The following RGPD1 variants were observed in gnomAD, a reference collection of about 807,000 sequenced individuals.
The protein encoded by RGPD1 is RANBP2 like and GRIP domain containing 1.
In RGPD1, 7 loss-of-function variants were observed where a neutral mutation model predicts 40.6. That is an observed-to-expected ratio of 0.17 (90% CI 0.10 to 0.32). RGPD1 has a LOEUF of 0.32. Ranked by LOEUF, RGPD1 falls within the 10% of genes least tolerant of loss-of-function variation. The pLI is 1.00. For missense variants in RGPD1, 50 were observed against 472.5 expected, an observed-to-expected ratio of 0.11 and a Z score of 8.29; for synonymous variants, 24 against 167.0, an observed-to-expected ratio of 0.14 and a Z score of 6.60.
At chr2:86,928,031 GAAA>G (rs1183867858) in intron 1 of RGPD1, among the ~76,000 whole-genome samples, 1 of 114,818 alleles carries the variant, frequency 8.7e-6, no homozygotes, top group African/African-American at 3.7e-5. Flanking sequence ...CAGCAATAAA[GAAA>G]AAAACTTGCT....
At chr2:86,931,581 A>G (rs1486387659) in intron 1 of RGPD1, among the ~76,000 whole-genome samples, 36 of 151,988 alleles carry the variant, frequency 2.4e-4, no homozygotes, top group African/African-American at 7.7e-4. Flanking sequence ...TTTCTCTATT[A>G]TAAATGATTT....
chr2:86,918,663 G>A (rs1013597894), intron 1 of RGPD1, among the ~76,000 whole-genome samples: 2 of 147,628 alleles, frequency 1.4e-5, no homozygotes, highest in Non-Finnish European at 3.0e-5. Context: ...GTTTCACCAT[G>A]TTAGCCAGGA....
At chr2:86,930,610 AG>A (rs1186658602) in intron 1 of RGPD1, 8 of 1,611,524 alleles carry the variant, frequency 5.0e-6, no homozygotes, top group African/African-American at 1.3e-5. Flanking sequence ...TAGGTGCAGC[AG>A]CCAGTCTCCC....
At chr2:86,914,126 T>C (rs193183441) in intron 1 of RGPD1, among the ~76,000 whole-genome samples, 1 of 1,728 alleles carries the variant, frequency 5.8e-4, no homozygotes, top group African/African-American at 2.0e-3. Context: ...GGCCCCGGCC[T>C]GGCCGGGCGG....
rs1173981477 is a variant in RGPD1, at chr2:87,000,642, C to T, written c.5236+2884C>T. ...TTTAGCAGCAGATTTAGATACCTTA[C>T]ATTTTCTCTTTAAGAGAGAGAATGT... On this transcript the variant is annotated intron_variant, in intron 22 of 22. Transcript: ENST00000641458. 7.9e-5 allele frequency among the ~76,000 whole-genome samples: 7 copies of T among 88,106 alleles called. 1 individual carries two copies. The highest frequency in any genetic ancestry group is 1.3e-4 in the Non-Finnish European group (6 of 44,506). The allele number at this position is 88,106 out of a possible 152,430, so 57.8% of individuals were successfully genotyped here.
intron 1 of RGPD1, among the ~76,000 whole-genome samples, chr2:86,943,870 C>T (rs1032611731): frequency 5.9e-5 from 9 of 151,952 alleles, no homozygotes; most frequent in African/African-American, 9.7e-5. Flanking sequence ...AAAAGTTAGC[C>T]GGGCGTGGTG....
intron 1 of RGPD1, among the ~76,000 whole-genome samples, chr2:86,943,129 CG>C (rs1680033415): frequency 6.6e-6 from 1 of 151,242 alleles, no homozygotes; most frequent in Non-Finnish European, 1.5e-5. Flanking sequence ...GCGGCTGTGT[CG>C]AGTGACAACG....
intron 1 of RGPD1, chr2:86,930,679 C>T: frequency 7.5e-6 from 12 of 1,609,952 alleles, no homozygotes; most frequent in Non-Finnish European, 8.5e-6. Flanking sequence ...GGGCACAGCT[C>T]TCGAAGCTGC....
chr2:86,926,489 C>G (rs977102575), intron 1 of RGPD1, among the ~76,000 whole-genome samples: 2 of 151,832 alleles, frequency 1.3e-5, no homozygotes, highest in Non-Finnish European at 2.9e-5. Flanking sequence ...ATGGATAATA[C>G]TCCCCTTTGG....
upstream of RGPD1, among the ~76,000 whole-genome samples, chr2:86,941,703 G>T (rs548444424): frequency 6.7e-6 from 1 of 148,586 alleles, no homozygotes; most frequent in South Asian, 2.1e-4. Flanking sequence ...CTGACTGCGG[G>T]ATTTGAGAAT....
rs1681468959 is a variant in RGPD1, at chr2:86,986,663, TTAG to T, written c.3771_3773del (p.Ser1259del). 5.6e-6 allele frequency: 3 copies of T among 536,134 alleles called. No homozygotes were observed. Among genetic ancestry groups the T allele is most frequent in the Non-Finnish European group, 6.2e-6 (2 of 323,288 alleles). The allele number at this position is 536,134 out of a possible 1,614,324, so 33.2% of individuals were successfully genotyped here. ...AGGGAAGATGCTTTGGATGATAATG[TTAG>T]TAGTAGCTCAGTACATGATTCTCCG... On this transcript the variant is annotated inframe_deletion, in exon 20 of 23. Transcript: ENST00000641458.
At chr2:86,941,053 T>C (rs1304550590), upstream of RGPD1, among the ~76,000 whole-genome samples, 3 of 150,754 alleles carry the variant, frequency 2.0e-5, no homozygotes, top group African/African-American at 7.3e-5. Flanking sequence ...TTAGAAAATA[T>C]GGAAAAACAA....
In RGPD1 at chr2:86,930,111, G is replaced by A. The variant is rs533992672; in HGVS notation, c.72+16190G>A. The A allele has an allele frequency of 4.4e-5, 68 of 1,560,296 alleles. 3 individuals are homozygous for A. The highest frequency in any genetic ancestry group is 3.2e-4 in the African/African-American group (23 of 72,218). On this transcript the variant is annotated intron_variant, in intron 1 of 22. Coordinates refer to the RGPD1 transcript ENST00000398193. ...AAGGGCAGAGCTTAATACCGGAGTC[G>A]CCAGTTAAACGGCGATAGCGGCAGG... is the stretch of plus-strand genomic sequence containing the variant.
At position 86,943,173 on chromosome 2, in the gene RGPD1, C is replaced by T. The variant is rs577939680; in HGVS notation, c.72+865C>T. Among the ~76,000 whole-genome samples the T allele has an allele frequency of 9.8e-3, 1,482 of 151,034 alleles. 12 individuals are homozygous for T. The highest frequency in any genetic ancestry group is 0.033 in the African/African-American group (1,341 of 41,144). ...CTCAGCACGGACATTTGCAGTGGCC[C>T]GACGGCGCAAATGACAGGGGAAGTC... On this transcript the variant is annotated intron_variant, in intron 1 of 22. Transcript: ENST00000641458.
intron 1 of RGPD1, among the ~76,000 whole-genome samples, chr2:86,918,384 A>G (rs1254028301): frequency 1.4e-5 from 2 of 147,214 alleles, no homozygotes; most frequent in African/African-American, 5.1e-5. Flanking sequence ...ATCACTCTAG[A>G]CTATAATTAC....
At chr2:86,944,410 A>AT (rs1053304411) in intron 1 of RGPD1, among the ~76,000 whole-genome samples, 139 of 144,190 alleles carry the variant, frequency 9.6e-4, no homozygotes, top group African/African-American at 1.4e-3. Context: ...TTTTTGTGTT[A>AT]TTTTTTTTTT....
intron 1 of RGPD1, among the ~76,000 whole-genome samples, chr2:86,943,275 C>A (rs189057184): frequency 2.9e-5 from 3 of 103,530 alleles, no homozygotes; most frequent in South Asian, 4.2e-4. Context: ...CCTCCCTCGC[C>A]CCCCCCCCAC....
intron 6 of RGPD1, among the ~76,000 whole-genome samples, chr2:86,962,532 A>AAC (rs1553449909): frequency 4.2e-5 from 5 of 119,754 alleles, no homozygotes; most frequent in Admixed American, 7.5e-5. Context: ...AAAAAAAAAA[A>AAC]AGACAATTTA....
At chr2:86,998,089 T>G (rs1429642687) in intron 22 of RGPD1, among the ~76,000 whole-genome samples, 1 of 13,572 alleles carries the variant, frequency 7.4e-5, no homozygotes, top group Non-Finnish European at 1.4e-4. Context: ...TAAAAAACAT[T>G]TATTAGCTTG....
Sources: gnomAD v4.1 joint callset for allele counts (sites outside exome capture counted in the v4.1 genomes callset) on GRCh38, gnomAD v4.1.1 for gene constraint, MANE v1.5 for transcripts, NCBI Gene and HGNC (gene_info 2026-07-23, HGNC 2026-07-21) for gene names.